The following HGSNAT variants were observed in gnomAD, a reference collection of about 807,000 sequenced individuals.
HGSNAT encodes the protein heparan-alpha-glucosaminide N-acetyltransferase.
In HGSNAT, 59 loss-of-function variants were observed where a neutral mutation model predicts 85.2. That is an observed-to-expected ratio of 0.69 (90% CI 0.56 to 0.86). The LOEUF (loss-of-function observed/expected upper bound fraction) is 0.86. Among genes scored for constraint, HGSNAT ranks in the 40% least tolerant of loss-of-function variants. The pLI, the probability that HGSNAT is intolerant of heterozygous loss-of-function variation, is 0.00. For missense variants in HGSNAT, 756 were observed against 777.1 expected (o/e 0.97, Z 0.32); for synonymous variants, 321 against 304.5 (o/e 1.05, Z -0.56).
intron 8 of HGSNAT, among the ~76,000 whole-genome samples, chr8:43,173,065 G>A (rs1803683842): frequency 6.6e-6 from 1 of 152,202 alleles, no homozygotes. Context: ...GCTGACCACA[G>A]CCTCGACCTC....
At chr8:43,140,661 GTCTCCTCTCCGCGGCGCCGCCCCTA>G in intron 1 of HGSNAT, 47 bp downstream of exon 1, 6 of 996,364 alleles carry the variant, frequency 6.0e-6, no homozygotes, top group Admixed American at 4.4e-5. Context: ...CGAGCGCAGC[GTCTCCTCTCCGCGGCGCCGCCCCTA>G]TCTCCGTGCG....
chr8:43,150,053 T>C (rs1368234949), intron 2 of HGSNAT, among the ~76,000 whole-genome samples: 1 of 151,882 alleles, frequency 6.6e-6, no homozygotes, highest in East Asian at 1.9e-4. Context: ...ACCTCCTGGG[T>C]TCAAGCGATT....
intron 5 of HGSNAT, among the ~76,000 whole-genome samples, chr8:43,166,823 T>C (rs1374588504): frequency 6.6e-6 from 1 of 152,252 alleles, no homozygotes; most frequent in African/African-American, 2.4e-5. Context: ...CCAATGAATC[T>C]GGGCAAAGTC....
At chr8:43,196,437 C>T (rs1315181433) in intron 14 of HGSNAT, 1 of 1,289,290 alleles carries the variant, frequency 7.8e-7, no homozygotes, top group East Asian at 5.6e-5. Flanking sequence ...TAGTGCTGCC[C>T]AGACTGGGTC....
intron 9 of HGSNAT, 114 bp downstream of exon 9, chr8:43,173,857 C>A: frequency 2.6e-6 from 3 of 1,140,286 alleles, no homozygotes; most frequent in Non-Finnish European, 3.8e-6. Context: ...GTTAGGAAGT[C>A]CTTCCAAAAG....
chr8:43,193,540 TG>T (rs1210660240), intron 13 of HGSNAT, among the ~76,000 whole-genome samples: 1 of 152,210 alleles, frequency 6.6e-6, no homozygotes, highest in Non-Finnish European at 1.5e-5. Context: ...GACTTGTCCC[TG>T]GGAGTCTCTG....
chr8:43,145,736 G>A (rs536976099), intron 1 of HGSNAT, among the ~76,000 whole-genome samples: 7 of 151,976 alleles, frequency 4.6e-5, no homozygotes, highest in Admixed American at 3.9e-4. Context: ...GGGTGACAGA[G>A]CAAGACTCCA....
intron 5 of HGSNAT, among the ~76,000 whole-genome samples, chr8:43,165,389 C>T (rs1803402330): frequency 6.6e-6 from 1 of 152,068 alleles, no homozygotes; most frequent in Non-Finnish European, 1.5e-5. Flanking sequence ...TTGGGCTTCT[C>T]TATCCTTTCA....
intron 14 of HGSNAT, among the ~76,000 whole-genome samples, chr8:43,195,242 A>G (rs972085886): frequency 4.6e-5 from 7 of 152,134 alleles, no homozygotes; most frequent in Non-Finnish European, 7.4e-5. Context: ...GACTCCCCCA[A>G]AACTTAAACA....
At chr8:43,145,295 A>C (rs929144524) in intron 1 of HGSNAT, among the ~76,000 whole-genome samples, 6 of 152,202 alleles carry the variant, frequency 3.9e-5, no homozygotes, top group African/African-American at 1.4e-4. Flanking sequence ...TTAGATCCTC[A>C]TGATGGCCAA....
rs192102987 is a variant in HGSNAT, at chr8:43,188,518, C to T, written c.1129-2956C>T. ...CAGGTCATTTAAGGTCTTTTCTACA[C>T]TGTTGATTCTAGTTACCCATTTGTC... On this transcript the variant is annotated intron_variant, in intron 11 of 17. Coordinates refer to ENST00000379644, the MANE Select transcript of HGSNAT (RefSeq NM_152419.3). Among the ~76,000 whole-genome samples, 377 of 152,296 alleles carry T rather than the reference C, an allele frequency of 2.5e-3. 2 individuals carry two copies. The highest frequency in any genetic ancestry group is 5.6e-3 in the East Asian group (29 of 5,180).
At chr8:43,185,695 A>G (rs1804283193) in intron 11 of HGSNAT, among the ~76,000 whole-genome samples, 1 of 152,114 alleles carries the variant, frequency 6.6e-6, no homozygotes, top group South Asian at 2.1e-4. Flanking sequence ...GTGGTGAGAG[A>G]GGGCATCCCT....
chr8:43,189,739 G>A (rs1167598369), intron 11 of HGSNAT, among the ~76,000 whole-genome samples: 1 of 152,136 alleles, frequency 6.6e-6, no homozygotes. Context: ...CGGCCATCTT[G>A]GAACCTCCTC....
At chr8:43,194,555 AAAGAACAGT>A in intron 14 of HGSNAT, 3 of 973,544 alleles carry the variant, frequency 3.1e-6, no homozygotes, top group Non-Finnish European at 3.7e-6. Context: ...GGTAATTCAT[AAAGAACAGT>A]AACACTGCAG....
At chr8:43,186,374 G>T (rs563987190) in intron 11 of HGSNAT, among the ~76,000 whole-genome samples, 16 of 152,194 alleles carry the variant, frequency 1.1e-4, no homozygotes, top group African/African-American at 1.7e-4. Flanking sequence ...GGGAGGGTGT[G>T]TATGTGTCCA....
At chr8:43,182,100 G>A (rs369867595) in intron 10 of HGSNAT, 45 bp from the exon 11 acceptor site, 4 of 1,402,212 alleles carry the variant, frequency 2.9e-6, no homozygotes, top group Non-Finnish European at 4.1e-6. Context: ...TGGGATGAGA[G>A]GAGAAGTCCT....
chr8:43,199,655 T>A lies in HGSNAT; in HGVS notation c.*86T>A. 1 of 1,063,620 alleles carries A rather than the reference T, an allele frequency of 9.4e-7. No individual in the cohort carries two copies. The highest frequency in any genetic ancestry group is 1.3e-6 in the Non-Finnish European group (1 of 778,078). The allele number at this position is 1,063,620 out of a possible 1,614,324, so 65.9% of individuals were successfully genotyped here. ...AGCCTTTGTTAAAGGGAAGCATTCA[T>A]TAGGAAATTGACTGGCTGCGTGTTT... On this transcript the variant is annotated 3_prime_UTR_variant, in exon 18 of 18. Coordinates refer to ENST00000379644, the MANE Select transcript of HGSNAT (RefSeq NM_152419.3).
intron 5 of HGSNAT, 58 bp downstream of exon 5, chr8:43,161,565 G>T (rs1803269791): frequency 1.5e-6 from 2 of 1,328,530 alleles, no homozygotes; most frequent in Non-Finnish European, 2.1e-6. Flanking sequence ...AACACATTCA[G>T]AAGGGGCAGC....
chr8:43,165,532 G>A (rs1368110007), intron 5 of HGSNAT, among the ~76,000 whole-genome samples: 2 of 152,226 alleles, frequency 1.3e-5, no homozygotes, highest in Non-Finnish European at 2.9e-5. Flanking sequence ...AAGGCATGTC[G>A]AGAGCCATGA....
Sources: allele counts gnomAD v4.1 joint callset (sites outside exome capture counted in the v4.1 genomes callset), GRCh38; gene constraint gnomAD v4.1.1; transcripts MANE v1.5; gene names NCBI Gene and HGNC (gene_info 2026-07-23, HGNC 2026-07-21).